The following HOATZ variants were observed in gnomAD, a reference collection of about 807,000 sequenced individuals.
HOATZ encodes the protein cilia- and flagella-associated protein HOATZ.
Under a neutral mutation model 24.9 loss-of-function variants are expected in HOATZ, and 26 were observed. That is an observed-to-expected ratio of 1.04 (90% CI 0.76 to 1.45). The LOEUF is 1.45. Ranked by LOEUF, HOATZ falls within the 40% of genes most tolerant of loss-of-function variation. The probability of loss-of-function intolerance (pLI) is 0.00; values close to 1 mark genes in which losing one functional copy is unlikely to be tolerated. For missense variants in HOATZ, 226 were observed against 201.5 expected (o/e 1.12, Z -0.74); for synonymous variants, 83 against 76.6 (o/e 1.08, Z -0.43).
At position 111,528,841 on chromosome 11, in the gene HOATZ, G is replaced by GTGTGTGTTTGAAGTC. The variant is rs1425464834; in HGVS notation, c.340-4890_340-4876dup. 3.3e-5 allele frequency among the ~76,000 whole-genome samples: 5 copies of GTGTGTGTTTGAAGTC among 152,180 alleles called. No homozygotes were observed. The South Asian group carries it at 1.0e-3, about 32-fold the overall frequency. On this transcript the variant is annotated intron_variant, in intron 3 of 5. Coordinates refer to ENST00000375618, the MANE Select transcript of HOATZ (RefSeq NM_001100388.2). ...GTGTGTGTGCATGTGTCTGAAGTCT[G>GTGTGTGTTTGAAGTC]TGTGTGTTTGAAGTCTGTGTGTTTG...
intron 3 of HOATZ, chr11:111,524,864 T>C (rs957973541): frequency 2.2e-6 from 1 of 445,394 alleles, no homozygotes; most frequent in African/African-American, 2.0e-5. Context: ...TATTTTCTTT[T>C]TCTTTTCTTT....
chr11:111,526,094 A>G (rs1565249901), intron 3 of HOATZ, among the ~76,000 whole-genome samples: 1 of 151,894 alleles, frequency 6.6e-6, no homozygotes. Context: ...GAGGTGGTGG[A>G]GGGAACATTG....
chr11:111,523,153 A>G (rs1867289486), intron 3 of HOATZ, among the ~76,000 whole-genome samples: 1 of 145,448 alleles, frequency 6.9e-6, no homozygotes, highest in African/African-American at 2.6e-5. Context: ...TCTGTGTTTC[A>G]CTCTCATAAC....
In HOATZ at chr11:111,515,539, C is replaced by T. The variant is rs1867180947; in HGVS notation, c.255C>T (p.His85=). ...ACAGCCACTCCTCGCAGTCTTTTCA[C>T]CTTGCGAGTAACAGTAAGTACCAAG... ...SENSHSSQSF[H]LASNKNRDIF... The change falls in exon 2 of 6, where the codon CAC becomes CAT. Residue 85 remains histidine, a synonymous_variant. Coordinates refer to ENST00000375618, the MANE Select transcript of HOATZ (RefSeq NM_001100388.2). The T allele has an allele frequency of 6.2e-7, 1 of 1,613,334 alleles. No individual in the cohort carries two copies. Among genetic ancestry groups the T allele is most frequent in the African/African-American group, 1.3e-5 (1 of 74,922 alleles).
At chr11:111,524,501 A>G (rs1867311014) in intron 3 of HOATZ, among the ~76,000 whole-genome samples, 1 of 152,238 alleles carries the variant, frequency 6.6e-6, no homozygotes, top group Admixed American at 6.5e-5. Flanking sequence ...AATGCTAGAC[A>G]AGAAATTGAG....
At chr11:111,532,746 T>C (rs921065967) in intron 3 of HOATZ, among the ~76,000 whole-genome samples, 2 of 152,206 alleles carry the variant, frequency 1.3e-5, no homozygotes, top group African/African-American at 4.8e-5. Flanking sequence ...TTTAGATAGA[T>C]GACAGAATCT....
intron 3 of HOATZ, among the ~76,000 whole-genome samples, chr11:111,527,390 G>A (rs914866195): frequency 2.6e-5 from 4 of 152,046 alleles, no homozygotes; most frequent in African/African-American, 9.7e-5. Context: ...CAAATGAAAA[G>A]TGTATATGTC....
chr11:111,537,022 C>T lies in HOATZ; in HGVS notation c.*195C>T. ...AATAAAGAAATAAAGGTTAAATATG[C>T]AGGCTTCTATGAATTCTACCAGCTA... On this transcript the variant is annotated 3_prime_UTR_variant, in exon 6 of 6. Transcript: ENST00000375618. The T allele has an allele frequency of 7.4e-6, 4 of 537,144 alleles. No individual in the cohort carries two copies. The highest frequency in any genetic ancestry group is 1.3e-5 in the Non-Finnish European group (4 of 300,070). 33.3% of individuals were successfully genotyped at this position (537,144 alleles called of 1,614,324 possible).
At chr11:111,527,365 T>C (rs1404239878) in intron 3 of HOATZ, among the ~76,000 whole-genome samples, 1 of 152,202 alleles carries the variant, frequency 6.6e-6, no homozygotes, top group African/African-American at 2.4e-5. Flanking sequence ...CTCATTTTAG[T>C]AAGTTGTTAT....
intron 3 of HOATZ, among the ~76,000 whole-genome samples, chr11:111,519,910 AG>A (rs1488896390): frequency 6.6e-6 from 1 of 152,172 alleles, no homozygotes; most frequent in Non-Finnish European, 1.5e-5. Context: ...TTGATTTTTC[AG>A]TTGTTACAGT....
rs1255606638 is a variant in HOATZ at position 111,518,410 on chromosome 11, G to A, written c.339+2300G>A. Among the ~76,000 whole-genome samples the A allele has an allele frequency of 3.3e-5, 5 of 152,270 alleles. No homozygotes were observed. The South Asian group carries it at 1.0e-3, about 32-fold the overall frequency. On this transcript the variant is annotated intron_variant, in intron 3 of 5. Transcript: ENST00000375618. ...AGATATAGTGAGATAACATAATTTA[G>A]TGTTCATAACAACCAATTATTGAAT...
chr11:111,527,482 C>G (rs2135779758), intron 3 of HOATZ, among the ~76,000 whole-genome samples: 1 of 152,270 alleles, frequency 6.6e-6, no homozygotes, highest in East Asian at 1.9e-4. Context: ...TCCTGCAAGT[C>G]AGCATTCTTC....
intron 3 of HOATZ, 118 bp downstream of exon 3, chr11:111,516,228 TA>T: frequency 1.8e-6 from 1 of 561,108 alleles, no homozygotes; most frequent in East Asian, 3.1e-5. Flanking sequence ...TTGAGCAAAT[TA>T]AGGAAACCTT....
chr11:111,522,781 G>T (rs757752572), intron 3 of HOATZ, among the ~76,000 whole-genome samples: 1 of 151,902 alleles, frequency 6.6e-6, no homozygotes, highest in Non-Finnish European at 1.5e-5. Flanking sequence ...ATCAATATCC[G>T]TAGCACTTGC....
At chr11:111,524,935 C>T (rs1867318617) in intron 3 of HOATZ, 1 of 437,394 alleles carries the variant, frequency 2.3e-6, no homozygotes, top group Admixed American at 2.6e-5. Context: ...GATCATGGCT[C>T]ACTGCAGCCT....
intron 3 of HOATZ, among the ~76,000 whole-genome samples, chr11:111,521,197 T>G (rs1374879691): frequency 6.6e-6 from 1 of 152,142 alleles, no homozygotes; most frequent in Non-Finnish European, 1.5e-5. Flanking sequence ...CCCATTTAGC[T>G]AATACCTACT....
chr11:111,532,641 T>A (rs1013585985), intron 3 of HOATZ, among the ~76,000 whole-genome samples: 6 of 152,234 alleles, frequency 3.9e-5, no homozygotes, highest in African/African-American at 1.4e-4. Flanking sequence ...GATTTCGGAC[T>A]TCTAGTTTCC....
intron 1 of HOATZ, 159 bp downstream of exon 1, chr11:111,515,169 C>G (rs73555133): frequency 1.6e-6 from 1 of 620,308 alleles, no homozygotes; most frequent in Non-Finnish European, 2.8e-6. Context: ...TTCCAGCAAC[C>G]CTTCCACCCG....
intron 3 of HOATZ, among the ~76,000 whole-genome samples, chr11:111,526,068 T>A (rs1188676735): frequency 1.3e-5 from 2 of 152,012 alleles, no homozygotes; most frequent in Non-Finnish European, 1.5e-5. Flanking sequence ...AGAGCGGGCA[T>A]TAACTAGGTC....
Sources: allele counts gnomAD v4.1 joint callset (sites outside exome capture counted in the v4.1 genomes callset), GRCh38; gene constraint gnomAD v4.1.1; transcripts MANE v1.5; gene names NCBI Gene and HGNC (gene_info 2026-07-23, HGNC 2026-07-21).